The following PIK3AP1 variants were observed in gnomAD, a reference collection of about 807,000 sequenced individuals.
PIK3AP1 encodes phosphoinositide-3-kinase adaptor protein 1.
A neutral mutation model predicts 88.1 loss-of-function variants in PIK3AP1; 21 were observed. That is an observed-to-expected ratio of 0.24 (90% confidence interval 0.17 to 0.34). The LOEUF is 0.34. PIK3AP1 is among the 10% of genes least tolerant of loss of function. The pLI is 1.00. For synonymous variants in PIK3AP1, 398 were observed against 400.0 expected (o/e 1.00, Z 0.06); for missense variants, 828 against 1,035.7 (o/e 0.80, Z 2.75).
At chr10:96,667,659 T>C (rs1843783053) in intron 2 of PIK3AP1, among the ~76,000 whole-genome samples, 1 of 151,488 alleles carries the variant, frequency 6.6e-6, no homozygotes, top group South Asian at 2.1e-4. Context: ...GATTCTAGAG[T>C]GTACAGCGTC....
At chr10:96,629,977 A>C (rs181094099) in intron 8 of PIK3AP1, among the ~76,000 whole-genome samples, 114 of 150,884 alleles carry the variant, frequency 7.6e-4, no homozygotes, top group African/African-American at 2.8e-3. Context: ...AAGAAAAGAA[A>C]AGAAACCCTG....
intron 8 of PIK3AP1, among the ~76,000 whole-genome samples, chr10:96,635,815 G>A (rs1044053936): frequency 6.6e-6 from 1 of 152,164 alleles, no homozygotes; most frequent in South Asian, 2.1e-4. Flanking sequence ...TGAGGCAGGA[G>A]AATTGCTTGA....
intron 2 of PIK3AP1, among the ~76,000 whole-genome samples, chr10:96,662,212 T>C (rs552186166): frequency 1.3e-5 from 2 of 152,310 alleles, no homozygotes; most frequent in African/African-American, 2.4e-5. Flanking sequence ...AAATGAGGTA[T>C]GTCCATATAA....
At chr10:96,605,660 G>A (rs187644295) in intron 14 of PIK3AP1, among the ~76,000 whole-genome samples, 9 of 152,304 alleles carry the variant, frequency 5.9e-5, no homozygotes, top group South Asian at 2.1e-4. Context: ...AACTTTGACC[G>A]AATTAATTTA....
chr10:96,624,651 G>A (rs1398781755), intron 10 of PIK3AP1, among the ~76,000 whole-genome samples: 2 of 106,818 alleles, frequency 1.9e-5, no homozygotes, highest in African/African-American at 6.6e-5. Flanking sequence ...AACACAGCAA[G>A]ACCCTGTCTC....
At chr10:96,647,676 T>C (rs1272370268) in intron 7 of PIK3AP1, among the ~76,000 whole-genome samples, 2 of 152,214 alleles carry the variant, frequency 1.3e-5, no homozygotes, top group Admixed American at 1.3e-4. Context: ...CACTGTCTTG[T>C]AGATTTTCCA....
intron 8 of PIK3AP1, among the ~76,000 whole-genome samples, chr10:96,634,826 G>A (rs1401762639): frequency 1.3e-5 from 2 of 152,212 alleles, no homozygotes; most frequent in Non-Finnish European, 2.9e-5. Context: ...CTGGGTCAAA[G>A]TCAAGGTTTT....
intron 2 of PIK3AP1, among the ~76,000 whole-genome samples, chr10:96,689,501 C>T (rs1324843813): frequency 7.2e-6 from 1 of 139,756 alleles, no homozygotes. Flanking sequence ...ACCCAAGAGG[C>T]GGAGCTTGCA....
intron 2 of PIK3AP1, among the ~76,000 whole-genome samples, chr10:96,676,972 C>A (rs1843931329): frequency 6.6e-6 from 1 of 152,218 alleles, no homozygotes; most frequent in Non-Finnish European, 1.5e-5. Context: ...AAGAGGGGGT[C>A]ATGCTGGGGT....
At chr10:96,653,893 C>T (rs540218001) in intron 3 of PIK3AP1, among the ~76,000 whole-genome samples, 1 of 152,340 alleles carries the variant, frequency 6.6e-6, no homozygotes, top group South Asian at 2.1e-4. Context: ...AAGTCCTTCG[C>T]CACAGATAGC....
At chr10:96,625,276 C>A (rs375824864) in intron 10 of PIK3AP1, among the ~76,000 whole-genome samples, 1 of 152,146 alleles carries the variant, frequency 6.6e-6, no homozygotes, top group African/African-American at 2.4e-5. Context: ...AGAGAAGGTG[C>A]CAGGTGCCAG....
At chr10:96,710,045 A>T in intron 1 of PIK3AP1, 62 bp from the exon 2 acceptor site, 1 of 1,492,676 alleles carries the variant, frequency 6.7e-7, no homozygotes, top group Non-Finnish European at 9.0e-7. Context: ...GGCTCCCCAC[A>T]GCCTGCAAAG....
At chr10:96,604,095 CTAAAA>C (rs1160755014) in intron 14 of PIK3AP1, 46 bp from the exon 15 acceptor site, 26 of 1,434,734 alleles carry the variant, frequency 1.8e-5, no homozygotes, top group Non-Finnish European at 2.5e-5. Flanking sequence ...TTCTTTCAGG[CTAAAA>C]TAAAATAGAG....
chr10:96,678,094 G>C (rs143642114), intron 2 of PIK3AP1, among the ~76,000 whole-genome samples: 1 of 151,992 alleles, frequency 6.6e-6, no homozygotes, highest in Admixed American at 6.6e-5. Context: ...CTCCCGAGTA[G>C]TTAGGACTAC....
At chr10:96,633,919 C>G (rs1843279505) in intron 8 of PIK3AP1, among the ~76,000 whole-genome samples, 1 of 152,102 alleles carries the variant, frequency 6.6e-6, no homozygotes, top group Non-Finnish European at 1.5e-5. Context: ...CAAGGCTAGC[C>G]AGGTGCATTT....
At chr10:96,602,442 G>A in intron 15 of PIK3AP1, 44 bp from the exon 16 acceptor site, 1 of 1,512,154 alleles carries the variant, frequency 6.6e-7, no homozygotes, top group Non-Finnish European at 9.2e-7. Context: ...ACTACATTCA[G>A]CAACCAGCAT....
intron 2 of PIK3AP1, among the ~76,000 whole-genome samples, chr10:96,700,309 C>T (rs115990127): frequency 2.0e-5 from 3 of 152,056 alleles, no homozygotes; most frequent in Admixed American, 6.5e-5. Context: ...TAATCCTGGG[C>T]GACTCTGAAG....
rs1291136909 is a variant in PIK3AP1 at position 96,651,626 on chromosome 10, C to T, written c.738G>A (p.Leu246=). ...CCACTAAGTCTCCAGAATATATCTTCAGAGAAACGTTCCCAGATGAAAGGT... is the reference window on the plus strand; with the variant it reads ...CCACTAAGTCTCCAGAATATATCTTTAGAGAAACGTTCCCAGATGAAAGGT... ...APNLSSGNVS[L]KIYSGDLVVC... The change falls in exon 5 of 17, where the codon CTG becomes CTA. Residue 246 remains leucine, a synonymous_variant. Coordinates refer to ENST00000339364, the MANE Select transcript of PIK3AP1 (RefSeq NM_152309.3). The T allele has an allele frequency of 2.5e-6, 4 of 1,613,978 alleles. No individual in the cohort carries two copies. In the African/African-American group the frequency reaches 5.3e-5, roughly 22 times the overall value.
chr10:96,634,633 A>G (rs1843289741), intron 8 of PIK3AP1, among the ~76,000 whole-genome samples: 4 of 152,248 alleles, frequency 2.6e-5, no homozygotes. Context: ...ACAGGAGACA[A>G]TGCTTACAAA....
Sources: gnomAD v4.1 joint callset for allele counts (sites outside exome capture counted in the v4.1 genomes callset) on GRCh38, gnomAD v4.1.1 for gene constraint, MANE v1.5 for transcripts, NCBI Gene and HGNC (gene_info 2026-07-23, HGNC 2026-07-21) for gene names.